Variants in KLB observed in about 807,000 individuals in gnomAD.
KLB encodes the protein klotho beta.
KLB carries 44 observed loss-of-function variants against 88.4 expected under a neutral mutation model. That is an observed-to-expected ratio of 0.50 (90% CI 0.39 to 0.64). The LOEUF is 0.64. Ranked by LOEUF, KLB falls within the 30% of genes least tolerant of loss-of-function variation. The probability of loss-of-function intolerance (pLI) is 0.00; values close to 1 mark genes in which losing one functional copy is unlikely to be tolerated. For missense variants in KLB, 1,137 were observed against 1,304.8 expected (o/e 0.87, Z 1.98); for synonymous variants, 548 against 513.4 (o/e 1.07, Z -0.91).
chr4:39,441,939 T>C (rs533876016), intron 3 of KLB, among the ~76,000 whole-genome samples: 14 of 152,154 alleles, frequency 9.2e-5, no homozygotes, highest in Non-Finnish European at 2.1e-4. Context: ...AAAGTAATAC[T>C]TGAAAAATAT....
chr4:39,442,840 T>C (rs1168744810), intron 3 of KLB, among the ~76,000 whole-genome samples: 1 of 152,184 alleles, frequency 6.6e-6, no homozygotes, highest in African/African-American at 2.4e-5. Flanking sequence ...TTATTATGAT[T>C]CCCAGGAAAT....
intron 2 of KLB, 48 bp from the exon 3 acceptor site, chr4:39,437,679 T>A (rs145010321): frequency 6.5e-7 from 1 of 1,537,198 alleles, no homozygotes; most frequent in African/African-American, 1.4e-5. Flanking sequence ...AAACATGAAC[T>A]AGAATGTTTA....
intron 3 of KLB, among the ~76,000 whole-genome samples, chr4:39,438,651 A>G (rs1044191555): frequency 6.6e-6 from 1 of 152,272 alleles, no homozygotes; most frequent in African/African-American, 2.4e-5. Context: ...TGCAAGCTGC[A>G]TAAGAGCAAA....
At chr4:39,448,255 C>T in intron 4 of KLB, 46 bp from the exon 5 acceptor site, 1 of 1,397,330 alleles carries the variant, frequency 7.2e-7, no homozygotes, top group Non-Finnish European at 9.7e-7. Flanking sequence ...CTCAAAGATA[C>T]TTCATAGTCC....
chr4:39,434,313 C>T lies in KLB; in HGVS notation c.929C>T (p.Ser310Leu), dbSNP rs201377023. 17 of 1,614,116 alleles carry T rather than the reference C, an allele frequency of 1.1e-5. No individual in the cohort carries two copies. Among genetic ancestry groups the T allele is most frequent in the Admixed American group, 6.7e-5 (4 of 60,012 alleles). The change falls in exon 2 of 5, where the codon TCG becomes TTG. Residue 310 changes from serine to leucine, a missense_variant. Transcript: ENST00000257408. ...LGSHWIEPNRSENTMDIFKCQ... is the reference protein window; with the variant it reads ...LGSHWIEPNRLENTMDIFKCQ... ...TCTCATTGGATCGAGCCAAACCGGT[C>T]GGAAAACACGATGGATATATTCAAA...
intron 1 of KLB, among the ~76,000 whole-genome samples, chr4:39,417,851 T>G (rs1442299239): frequency 6.6e-6 from 1 of 152,200 alleles, no homozygotes; most frequent in Admixed American, 6.5e-5. Context: ...TTGATGAAAC[T>G]GAGGCCCAGA....
Position 39,434,300 on chromosome 4 carries a change from G to A in KLB, c.916G>A (p.Glu306Lys), listed in dbSNP as rs369333502. The change falls in exon 2 of 5, where the codon GAG becomes AAG. Residue 306 changes from glutamate (E) to lysine (K), a missense_variant. Glu to Lys is a moderately conservative substitution (Grantham distance 56). This residue lies in a region of KLB where 597 missense variants were observed against 765.2 expected (regional missense o/e 0.78). Transcript: ENST00000257408. ...GATCACGTTGGGATCTCATTGGATC[G>A]AGCCAAACCGGTCGGAAAACACGAT... ...LSITLGSHWIEPNRSENTMDI... is the reference protein window; with the variant it reads ...LSITLGSHWIKPNRSENTMDI... The A allele has an allele frequency of 3.6e-5, 58 of 1,614,018 alleles. No homozygotes were observed. Among genetic ancestry groups the A allele is most frequent in the African/African-American group, 1.9e-4 (14 of 74,910 alleles).
chr4:39,440,125 C>T (rs953115586), intron 3 of KLB, among the ~76,000 whole-genome samples: 18 of 147,814 alleles, frequency 1.2e-4, no homozygotes, highest in Admixed American at 3.4e-4. Flanking sequence ...TTCTTTTCTT[C>T]TTTTCTTTTT....
In KLB at chr4:39,434,322, C is replaced by G; in HGVS notation, c.938C>G (p.Thr313Arg). 6.2e-7 allele frequency: 1 copy of G among 1,614,150 alleles called. No homozygotes were observed. Among genetic ancestry groups the G allele is most frequent in the East Asian group, 2.2e-5 (1 of 44,886 alleles). ...HWIEPNRSEN[T>R]MDIFKCQQSM... Reference sequence around the variant, plus strand: ...ATCGAGCCAAACCGGTCGGAAAACACGATGGATATATTCAAATGTCAACAA... The same window carrying G: ...ATCGAGCCAAACCGGTCGGAAAACAGGATGGATATATTCAAATGTCAACAA... The change falls in exon 2 of 5, where the codon ACG becomes AGG. Residue 313 changes from threonine (T) to arginine (R), a missense_variant. Transcript: ENST00000257408.
chr4:39,411,722 TAA>T lies in KLB; in HGVS notation c.825+3950_825+3951del, dbSNP rs528016604. On this transcript the variant is annotated intron_variant, in intron 1 of 4. Transcript: ENST00000257408. ...TTTTTAAGCACGGTAATCATCACTTTAAATATCATCTCTAGGCCTGGCATGGT... is the reference window on the plus strand; with the variant it reads ...TTTTTAAGCACGGTAATCATCACTTTATATCATCTCTAGGCCTGGCATGGT... 1.1e-3 allele frequency among the ~76,000 whole-genome samples: 171 copies of T among 152,066 alleles called. 2 individuals are homozygous for T. Among genetic ancestry groups the T allele is most frequent in the Admixed American group, 8.2e-3 (125 of 15,258 alleles).
intron 1 of KLB, among the ~76,000 whole-genome samples, chr4:39,431,535 G>A (rs1486752311): frequency 6.6e-6 from 1 of 152,202 alleles, no homozygotes; most frequent in African/African-American, 2.4e-5. Context: ...ACAGGCATGA[G>A]CCACCATGCC....
rs369540327 is a variant in KLB at position 39,424,284 on chromosome 4, C to A, written c.826-9926C>A. On this transcript the variant is annotated intron_variant, in intron 1 of 4. Coordinates refer to ENST00000257408, the MANE Select transcript of KLB (RefSeq NM_175737.4). ...CGAGGTTTTGCCATGTTGGCCAGGCCGGTCTCGAACTCCTGGGCTCAAGTG... is the reference window on the plus strand; with the variant it reads ...CGAGGTTTTGCCATGTTGGCCAGGCAGGTCTCGAACTCCTGGGCTCAAGTG... 5.9e-5 allele frequency among the ~76,000 whole-genome samples: 9 copies of A among 151,704 alleles called. No homozygotes were observed. In the East Asian group the frequency reaches 9.7e-4, roughly 16 times the overall value.
At chr4:39,439,502 G>C (rs1445623521) in intron 3 of KLB, among the ~76,000 whole-genome samples, 1 of 151,870 alleles carries the variant, frequency 6.6e-6, no homozygotes, top group African/African-American at 2.4e-5. Flanking sequence ...GTCTCGCTCT[G>C]TTGCCCAGGC....
intron 3 of KLB, among the ~76,000 whole-genome samples, chr4:39,440,352 C>A (rs1471325475): frequency 6.6e-6 from 1 of 150,762 alleles, no homozygotes; most frequent in East Asian, 2.0e-4. Flanking sequence ...ACTTTGTTGA[C>A]CAGGCTGGTC....
At chr4:39,421,805 G>T (rs1487086444) in intron 1 of KLB, among the ~76,000 whole-genome samples, 4 of 151,626 alleles carry the variant, frequency 2.6e-5, no homozygotes, top group Non-Finnish European at 5.9e-5. Flanking sequence ...GGAGCTCAGT[G>T]GTGCGATCAG....
Position 39,406,977 on chromosome 4 carries a change from C to T in KLB, c.28C>T (p.Pro10Ser), listed in dbSNP as rs139008717. MKPGCAAGSPGNEWIFFSTD... is the reference protein window; with the variant it reads MKPGCAAGSSGNEWIFFSTD... ...GAAGCCAGGCTGTGCGGCAGGATCT[C>T]CAGGGAATGAATGGATTTTCTTCAG... Residue 10 changes from proline to serine, a missense_variant, in exon 1 of 5, where the codon CCA becomes TCA. Around this residue, in one of 4 missense-constraint regions of KLB, gnomAD observed 111 missense variants for 118.3 expected, o/e 0.94. Coordinates refer to ENST00000257408, the MANE Select transcript of KLB (RefSeq NM_175737.4). 7 of 1,611,814 alleles carry T rather than the reference C, an allele frequency of 4.3e-6. No homozygotes were observed. The highest frequency in any genetic ancestry group is 8.5e-7 in the Non-Finnish European group (1 of 1,178,270).
intron 3 of KLB, 137 bp downstream of exon 3, chr4:39,438,132 G>A (rs1743523220): frequency 1.2e-6 from 1 of 820,534 alleles, no homozygotes; most frequent in Admixed American, 2.9e-5. Flanking sequence ...AGGAGAGCTA[G>A]GGAAAGAGAA....
At chr4:39,442,528 G>T (rs1354922297) in intron 3 of KLB, among the ~76,000 whole-genome samples, 1 of 151,298 alleles carries the variant, frequency 6.6e-6, no homozygotes, top group East Asian at 2.0e-4. Flanking sequence ...CTGCCTCCCG[G>T]GTTCAAGAGA....
At chr4:39,425,306 T>C (rs992860201) in intron 1 of KLB, among the ~76,000 whole-genome samples, 2 of 152,240 alleles carry the variant, frequency 1.3e-5, no homozygotes, top group Non-Finnish European at 2.9e-5. Flanking sequence ...AGTAATATTA[T>C]CATTGAAATC....
Sources: allele counts gnomAD v4.1 joint callset (sites outside exome capture counted in the v4.1 genomes callset), GRCh38; gene constraint gnomAD v4.1.1; regional missense constraint gnomAD v4.1.1; transcripts MANE v1.5; gene names NCBI Gene and HGNC (gene_info 2026-07-23, HGNC 2026-07-21).